The following NOL4L variants were observed in gnomAD, a reference collection of about 807,000 sequenced individuals.
The protein encoded by NOL4L is nucleolar protein 4-like.
In NOL4L, 7 loss-of-function variants were observed where a neutral mutation model predicts 64.5. The observed-to-expected ratio is 0.11, with a 90% CI of 0.06 to 0.20. The LOEUF (loss-of-function observed/expected upper bound fraction) is 0.20, where lower values mean the gene tolerates loss of function less well. Ranked by LOEUF, NOL4L falls within the 10% of genes least tolerant of loss-of-function variation. The probability of loss-of-function intolerance (pLI) is 1.00; values close to 1 mark genes in which losing one functional copy is unlikely to be tolerated. For synonymous variants in NOL4L, 413 were observed against 401.0 expected (o/e 1.03, Z -0.36); for missense variants, 680 against 967.1 (o/e 0.70, Z 3.94).
intron 1 of NOL4L, among the ~76,000 whole-genome samples, chr20:32,538,859 C>T (rs2018604504): frequency 6.6e-6 from 1 of 152,186 alleles, no homozygotes; most frequent in South Asian, 2.1e-4. Flanking sequence ...CCCGGCAGCC[C>T]TCTCCCGGAA....
chr20:32,452,795 A>C, intron 9 of NOL4L, 89 bp downstream of exon 9: 1 of 1,569,164 alleles, frequency 6.4e-7, no homozygotes, highest in Non-Finnish European at 8.7e-7. Flanking sequence ...GACTGTACCC[A>C]TCACAGCTCC....
chr20:32,475,139 G>A (rs985108736), intron 4 of NOL4L: 37 of 985,338 alleles, frequency 3.8e-5, no homozygotes, highest in East Asian at 1.1e-4. Context: ...GGCAAGAAGC[G>A]GGCAGCAGCA....
At chr20:32,484,492 C>T (rs1264712476) in intron 4 of NOL4L, among the ~76,000 whole-genome samples, 2 of 151,956 alleles carry the variant, frequency 1.3e-5, no homozygotes, top group African/African-American at 4.8e-5. Flanking sequence ...CCGCCCTCCT[C>T]CCCGCCCCCC....
chr20:32,568,058 T>TCAC (rs1275496956), intron 1 of NOL4L, among the ~76,000 whole-genome samples: 1 of 151,674 alleles, frequency 6.6e-6, no homozygotes, highest in East Asian at 1.9e-4. Context: ...GTCACCATCA[T>TCAC]CACCATCATC....
At chr20:32,482,861 C>T (rs1406961902) in intron 4 of NOL4L, among the ~76,000 whole-genome samples, 3 of 149,808 alleles carry the variant, frequency 2.0e-5, no homozygotes, top group Non-Finnish European at 4.5e-5. Context: ...CTCGTGGCGG[C>T]CGCGGCAACC....
chr20:32,545,838 C>T (rs1022480273), intron 1 of NOL4L, among the ~76,000 whole-genome samples: 6 of 151,654 alleles, frequency 4.0e-5, no homozygotes, highest in South Asian at 2.1e-4. Context: ...GTAAGAAGGG[C>T]GGGCTAGAGC....
At position 32,444,888 on chromosome 20, in the gene NOL4L, G is replaced by C. The variant is rs2012262845; in HGVS notation, c.*2708C>G. 1 of 152,224 alleles carries C rather than the reference G, an allele frequency of 6.6e-6. No homozygotes were observed. Among genetic ancestry groups the C allele is most frequent in the South Asian group, 2.1e-4 (1 of 4,826 alleles). 9.4% of individuals were successfully genotyped at this position (152,224 alleles called of 1,614,324 possible). On this transcript the variant is annotated 3_prime_UTR_variant, in exon 11 of 11. Transcript: ENST00000621426. Reference sequence around the variant, plus strand: ...CAGTGAGCTTAGTTCATCAGAACCAGCTCTTTGGTGCCCTCCAAGTCGGGA... The same window carrying C: ...CAGTGAGCTTAGTTCATCAGAACCACCTCTTTGGTGCCCTCCAAGTCGGGA...
At chr20:32,521,032 A>G (rs747884312) in intron 2 of NOL4L, 110 bp from the exon 3 acceptor site, 6 of 597,710 alleles carry the variant, frequency 1.0e-5, no homozygotes, top group African/African-American at 3.8e-5. Context: ...TCTTGCAAGG[A>G]AAGTCAGGGA....
intron 4 of NOL4L, among the ~76,000 whole-genome samples, chr20:32,500,353 T>A (rs1016516979): frequency 1.4e-4 from 17 of 121,476 alleles, no homozygotes; most frequent in Non-Finnish European, 2.8e-4. Flanking sequence ...CCCAGCCAGA[T>A]TTTTTTTTTT....
At chr20:32,518,482 C>G (rs2145569435) in intron 3 of NOL4L, among the ~76,000 whole-genome samples, 1 of 152,350 alleles carries the variant, frequency 6.6e-6, no homozygotes, top group South Asian at 2.1e-4. Context: ...CATGGGGAGA[C>G]CTCGCAGCCA....
In NOL4L at chr20:32,464,998, T is replaced by C. The variant is rs1479900812; in HGVS notation, c.842-8603A>G. ...GAATTAGACGTCACACACCTAGATC[T>C]TCCCCTAAAACTGAAATCATTTCTC... On this transcript the variant is annotated intron_variant, in intron 5 of 10. Coordinates refer to ENST00000621426, the MANE Select transcript of NOL4L (RefSeq NM_001256798.2). This position sits in a 1 kb window ranked among gnomAD's most constrained non-coding sequence, Gnocchi z 5.6. The C allele has an allele frequency of 3.3e-6, 2 of 612,240 alleles. No homozygotes were observed. The highest frequency in any genetic ancestry group is 5.9e-6 in the Non-Finnish European group (2 of 338,554). 37.9% of individuals were successfully genotyped at this position (612,240 alleles called of 1,614,324 possible). A position where few individuals can be genotyped will look rare whatever the true frequency, so the allele number is the denominator to read the frequency against.
intron 1 of NOL4L, chr20:32,537,170 G>T: frequency 2.1e-6 from 2 of 949,966 alleles, no homozygotes; most frequent in Non-Finnish European, 2.5e-6. Flanking sequence ...TGCCAAGCCT[G>T]ATCTCCCGTA....
intron 1 of NOL4L, among the ~76,000 whole-genome samples, chr20:32,570,732 T>C (rs1185201067): frequency 6.6e-6 from 1 of 152,192 alleles, no homozygotes; most frequent in East Asian, 1.9e-4. Flanking sequence ...AGACAAAAAC[T>C]GAGCTTTAGG....
At chr20:32,574,423 G>C (rs1240941660) in intron 1 of NOL4L, among the ~76,000 whole-genome samples, 1 of 152,202 alleles carries the variant, frequency 6.6e-6, no homozygotes, top group East Asian at 1.9e-4. Context: ...CTGTGCCTTG[G>C]TTTGCTAACC....
At chr20:32,554,117 G>C (rs1456096854) in intron 1 of NOL4L, among the ~76,000 whole-genome samples, 9 of 152,012 alleles carry the variant, frequency 5.9e-5, no homozygotes, top group Admixed American at 5.9e-4. Context: ...TCAGGAGATC[G>C]AGACCATCCT....
intron 5 of NOL4L, among the ~76,000 whole-genome samples, chr20:32,467,053 G>A (rs970537065): frequency 2.0e-5 from 3 of 152,126 alleles, no homozygotes; most frequent in Admixed American, 6.5e-5. Flanking sequence ...CTCTGAGCCC[G>A]GGTGGCCTGG....
chr20:32,539,495 G>A lies in NOL4L; in HGVS notation c.322-11582C>T, dbSNP rs114062601. On this transcript the variant is annotated intron_variant, in intron 1 of 10. Transcript: ENST00000621426. Reference sequence around the variant, plus strand: ...TCAGGATCTCAAGGTCAGCTGTGACGTCCACGTGATGACCTTGCACATGGT... The same window carrying A: ...TCAGGATCTCAAGGTCAGCTGTGACATCCACGTGATGACCTTGCACATGGT... Among the ~76,000 whole-genome samples the A allele has an allele frequency of 3.5e-3, 540 of 152,194 alleles. 3 individuals carry two copies. Among genetic ancestry groups the A allele is most frequent in the African/African-American group, 0.012 (505 of 41,534 alleles).
chr20:32,565,224 C>A (rs1317629951), intron 1 of NOL4L, among the ~76,000 whole-genome samples: 1 of 151,254 alleles, frequency 6.6e-6, no homozygotes, highest in Non-Finnish European at 1.5e-5. Context: ...CCAGGCCAGA[C>A]ACCGGATGGA....
intron 1 of NOL4L, among the ~76,000 whole-genome samples, chr20:32,572,783 C>T (rs571088636): frequency 3.3e-5 from 5 of 152,184 alleles, no homozygotes; most frequent in Non-Finnish European, 7.3e-5. Context: ...TACTACCCTC[C>T]TGGAAGCCCC....
Sources: allele counts gnomAD v4.1 joint callset (sites outside exome capture counted in the v4.1 genomes callset), GRCh38; gene constraint gnomAD v4.1.1; non-coding constraint Gnocchi (gnomAD v3.1); transcripts MANE v1.5; gene names NCBI Gene and HGNC (gene_info 2026-07-23, HGNC 2026-07-21).